Variants in ARMC2 observed in about 807,000 individuals in gnomAD.
The protein encoded by ARMC2 is armadillo repeat-containing protein 2.
Under a neutral mutation model 90.3 loss-of-function variants are expected in ARMC2, and 67 were observed. The observed-to-expected ratio is 0.74, with a 90% CI of 0.61 to 0.91. The LOEUF is 0.91. ARMC2 is among the 40% of genes least tolerant of loss of function. ARMC2 has a pLI of 0.00. For synonymous variants in ARMC2, 393 were observed against 393.0 expected, an observed-to-expected ratio of 1.00 and a Z score of 0.00; for missense variants, 920 against 1,030.9, an observed-to-expected ratio of 0.89 and a Z score of 1.47.
the ARMC2 span, among the ~76,000 whole-genome samples, chr6:109,050,099 G>A: frequency 6.6e-6 from 1 of 152,194 alleles, no homozygotes; most frequent in Non-Finnish European, 1.5e-5. Context: ...CAAACTGGTG[G>A]ATAGGCATCT....
intron 4 of ARMC2, among the ~76,000 whole-genome samples, chr6:108,871,386 C>G (rs879816598): frequency 2.1e-4 from 32 of 152,096 alleles, no homozygotes; most frequent in Non-Finnish European, 8.8e-5. Context: ...CAAACGCTCC[C>G]CCCGCAACCC....
chr6:109,028,521 A>G, the ARMC2 span, among the ~76,000 whole-genome samples: 1 of 152,202 alleles, frequency 6.6e-6, no homozygotes, highest in Non-Finnish European at 1.5e-5. Flanking sequence ...TATTAACTCC[A>G]TGCAGCAAAA....
chr6:108,909,700 T>A (rs921619234), intron 8 of ARMC2, among the ~76,000 whole-genome samples: 2 of 152,134 alleles, frequency 1.3e-5, no homozygotes, highest in African/African-American at 2.4e-5. Context: ...CACACCCAGC[T>A]AATTTTTGTA....
Position 108,849,122 on chromosome 6 carries a change from C to T in ARMC2, c.-44+576C>T, listed in dbSNP as rs149031538. ...GCAACAGGGCCTCAATAAATAAAAA[C>T]GTATGTGTAACAATATTTAACATAC... On this transcript the variant is annotated intron_variant, in intron 1 of 17. Transcript: ENST00000392644. Among the ~76,000 whole-genome samples, 618 of 152,268 alleles carry T rather than the reference C, an allele frequency of 4.1e-3. 2 individuals are homozygous for T. Among genetic ancestry groups the T allele is most frequent in the African/African-American group, 0.014 (579 of 41,560 alleles).
Position 108,973,525 on chromosome 6 carries a change from A to G in ARMC2, c.*11A>G, listed in dbSNP as rs200072353. The G allele has an allele frequency of 1.2e-5, 20 of 1,600,868 alleles. No homozygotes were observed. The highest frequency in any genetic ancestry group is 8.5e-7 in the Non-Finnish European group (1 of 1,172,328). On this transcript the variant is annotated 3_prime_UTR_variant, in exon 18 of 18. Transcript: ENST00000392644. Reference sequence around the variant, plus strand: ...ATTCCCTCTTTCTAACATGATGCAGATTAACAGTAGAAACGAGAACTCACG... The same window carrying G: ...ATTCCCTCTTTCTAACATGATGCAGGTTAACAGTAGAAACGAGAACTCACG...
rs534591584 is a variant in ARMC2 at position 108,884,621 on chromosome 6, G to C, written c.671+8271G>C. Among the ~76,000 whole-genome samples, 301 of 152,328 alleles carry C rather than the reference G, an allele frequency of 2.0e-3. 2 individuals are homozygous for C. The highest frequency in any genetic ancestry group is 7.0e-3 in the African/African-American group (290 of 41,572). ...GCCAGAAGTGGGATTTGACGTGGCAGTGGCAGGAGGCATCCTGAGGCTGCA... is the reference window on the plus strand; with the variant it reads ...GCCAGAAGTGGGATTTGACGTGGCACTGGCAGGAGGCATCCTGAGGCTGCA... On this transcript the variant is annotated intron_variant, in intron 5 of 17. Transcript: ENST00000392644.
the ARMC2 span, chr6:108,987,691 A>C: frequency 1.1e-6 from 1 of 884,040 alleles, no homozygotes; most frequent in South Asian, 1.4e-5. Context: ...TCAGTTTTTC[A>C]GTGAATCTAA....
chr6:109,045,522 A>G, the ARMC2 span, among the ~76,000 whole-genome samples: 19 of 152,376 alleles, frequency 1.2e-4, no homozygotes, highest in South Asian at 3.5e-3. Flanking sequence ...ACTTACTTAC[A>G]GTTCTTCAAA....
the ARMC2 span, among the ~76,000 whole-genome samples, chr6:109,046,293 CG>C: frequency 6.6e-6 from 1 of 151,714 alleles, no homozygotes. Context: ...CTGTGTTGGC[CG>C]GGCCGGTCTC....
intron 13 of ARMC2, among the ~76,000 whole-genome samples, chr6:108,960,562 G>T (rs1170477503): frequency 6.6e-6 from 1 of 152,220 alleles, no homozygotes; most frequent in African/African-American, 2.4e-5. Flanking sequence ...GCCTCAGGAA[G>T]CTGACATTTT....
At chr6:109,000,613 C>T in the ARMC2 span, 1 of 1,611,846 alleles carries the variant, frequency 6.2e-7, no homozygotes, top group Non-Finnish European at 8.5e-7. Flanking sequence ...TCCCCACCAA[C>T]ATGAAGGAAA....
intron 7 of ARMC2, among the ~76,000 whole-genome samples, 171 bp from the exon 8 acceptor site, chr6:108,904,059 G>A (rs1399557823): frequency 1.3e-5 from 2 of 152,048 alleles, no homozygotes; most frequent in Admixed American, 6.6e-5. Flanking sequence ...TCAAAGGGAT[G>A]AAAAAAATCA....
chr6:108,922,069 C>T (rs17070014), intron 10 of ARMC2, among the ~76,000 whole-genome samples: 6,864 of 152,136 alleles, frequency 0.045, 539 homozygotes, highest in African/African-American at 0.16. Context: ...TGGTGAGTTC[C>T]TTGAGGACAG....
At position 108,932,516 on chromosome 6, in the gene ARMC2, C is replaced by CTTTTTTTT. The variant is rs60000198; in HGVS notation, c.1496+4303_1496+4310dup. On this transcript the variant is annotated intron_variant, in intron 11 of 17. Transcript: ENST00000392644. ...TAAACAGTGAGTCTTTTCTCCATTG[C>CTTTTTTTT]TTTTTTTTTTTTTTTTTTTTTTTTT... Among the ~76,000 whole-genome samples the CTTTTTTTT allele has an allele frequency of 5.5e-3, 426 of 77,906 alleles. 53 individuals are homozygous for CTTTTTTTT. Among genetic ancestry groups the CTTTTTTTT allele is most frequent in the East Asian group, 0.013 (26 of 1,970 alleles). 51.1% of individuals were successfully genotyped at this position (77,906 alleles called of 152,430 possible).
intron 12 of ARMC2, among the ~76,000 whole-genome samples, chr6:108,949,610 T>C (rs1164654044): frequency 6.6e-6 from 1 of 152,228 alleles, no homozygotes; most frequent in Non-Finnish European, 1.5e-5. Flanking sequence ...AAATACCCTC[T>C]GTCCTGGTTG....
intron 6 of ARMC2, among the ~76,000 whole-genome samples, chr6:108,898,617 T>C (rs1366894765): frequency 6.6e-6 from 1 of 152,240 alleles, no homozygotes; most frequent in Non-Finnish European, 1.5e-5. Context: ...GTTTCTAATA[T>C]GAGTTACATT....
chr6:108,988,687 T>G, the ARMC2 span: 1 of 1,599,986 alleles, frequency 6.3e-7, no homozygotes. Flanking sequence ...AATCATCATA[T>G]CTGTTGAAAG....
the ARMC2 span, among the ~76,000 whole-genome samples, chr6:109,040,763 C>T: frequency 6.6e-6 from 1 of 151,854 alleles, no homozygotes; most frequent in Non-Finnish European, 1.5e-5. Context: ...AGCGATTCTC[C>T]CGCCTCAGCC....
At chr6:108,986,092 C>G in the ARMC2 span, among the ~76,000 whole-genome samples, 1 of 152,298 alleles carries the variant, frequency 6.6e-6, no homozygotes, top group African/African-American at 2.4e-5. Flanking sequence ...ATCACAACAG[C>G]TTCAGTTAAA....
Sources: gnomAD v4.1 joint callset for allele counts (sites outside exome capture counted in the v4.1 genomes callset) on GRCh38, gnomAD v4.1.1 for gene constraint, MANE v1.5 for transcripts, NCBI Gene and HGNC (gene_info 2026-07-23, HGNC 2026-07-21) for gene names.